Variants in AGBL1 observed in about 807,000 individuals in gnomAD.
AGBL1 encodes the protein AGBL carboxypeptidase 1.
In AGBL1, 130 loss-of-function variants were observed where a neutral mutation model predicts 118.9. The ratio of observed to expected loss-of-function variants is 1.09; its 90% CI spans 0.95 to 1.26. The LOEUF (loss-of-function observed/expected upper bound fraction) is 1.26. AGBL1 is among the 50% of genes most tolerant of loss of function. The probability of loss-of-function intolerance (pLI) is 0.00; values close to 1 mark genes in which losing one functional copy is unlikely to be tolerated. For synonymous variants in AGBL1, 555 were observed against 478.9 expected (o/e 1.16, Z -2.08); for missense variants, 1,584 against 1,298.1 (o/e 1.22, Z -3.38).
intron 22 of AGBL1, among the ~76,000 whole-genome samples, chr15:86,682,198 G>T (rs1051504779): frequency 2.0e-5 from 3 of 152,062 alleles, no homozygotes; most frequent in Admixed American, 2.0e-4. Flanking sequence ...ATGGAACTCC[G>T]CCTGGGAATT....
intron 21 of AGBL1, among the ~76,000 whole-genome samples, chr15:86,639,631 G>A (rs1299547945): frequency 2.0e-5 from 3 of 152,062 alleles, no homozygotes; most frequent in Non-Finnish European, 4.4e-5. Context: ...CCCCCATACA[G>A]CTTCCCGGGT....
rs148991436 is a variant in AGBL1, at chr15:86,341,171, T to C, written c.2374+45763T>C. Among the ~76,000 whole-genome samples the C allele has an allele frequency of 6.8e-3, 1,033 of 152,350 alleles. 14 individuals carry two copies. The highest frequency in any genetic ancestry group is 0.023 in the African/African-American group (970 of 41,580). On this transcript the variant is annotated intron_variant, in intron 17 of 22. Transcript: ENST00000614907. ...GAAGTGGCCCACTTAGGGTGCTTCA[T>C]TGGGACCTGTCCAGAGTGGAAGTCT...
At chr15:86,566,488 G>A (rs912538248) in intron 21 of AGBL1, among the ~76,000 whole-genome samples, 1 of 152,120 alleles carries the variant, frequency 6.6e-6, no homozygotes, top group Non-Finnish European at 1.5e-5. Flanking sequence ...TCAGCAGGGT[G>A]AATAAGGAGC....
At chr15:86,817,648 G>C (rs71408862) in intron 22 of AGBL1, among the ~76,000 whole-genome samples, 63,102 of 144,076 alleles carry the variant, frequency 0.44, 15,205 homozygotes, top group Non-Finnish European at 0.57. Context: ...CACACACACA[G>C]ACACACACAC....
intron 21 of AGBL1, among the ~76,000 whole-genome samples, chr15:86,570,679 A>G (rs1335817073): frequency 6.6e-6 from 1 of 152,170 alleles, no homozygotes. Flanking sequence ...CTTGGTCCAC[A>G]AACTATTTTT....
intron 22 of AGBL1, among the ~76,000 whole-genome samples, chr15:86,846,011 A>G (rs919520653): frequency 6.6e-6 from 1 of 152,198 alleles, no homozygotes; most frequent in Admixed American, 6.5e-5. Flanking sequence ...TGTCTCCTTC[A>G]GTTTGCAAAC....
rs2083145627 is a variant in AGBL1, at chr15:86,518,222, T to A, written c.2556-4588T>A. Among the ~76,000 whole-genome samples, 4 of 152,058 alleles carry A rather than the reference T, an allele frequency of 2.6e-5. No individual in the cohort carries two copies. In the East Asian group the frequency reaches 7.7e-4, roughly 29 times the overall value. ...TCTGTCTCTGCTTGTGGTCCTTTCT[T>A]GGCTTTAGGAGTTCTGGTAGTTCAG... On this transcript the variant is annotated intron_variant, in intron 18 of 22. Transcript: ENST00000614907.
At chr15:86,367,118 G>GA (rs2080899505) in intron 17 of AGBL1, among the ~76,000 whole-genome samples, 4 of 152,156 alleles carry the variant, frequency 2.6e-5, no homozygotes, top group Non-Finnish European at 5.9e-5. Context: ...AGAACCAAGT[G>GA]ACAAAACCCA....
At chr15:86,308,135 G>A (rs1391613441) in intron 17 of AGBL1, among the ~76,000 whole-genome samples, 1 of 152,044 alleles carries the variant, frequency 6.6e-6, no homozygotes, top group East Asian at 1.9e-4. Context: ...ATTAAACTAT[G>A]TTAACATGTT....
rs188955899 is a variant in AGBL1, at chr15:86,687,675, C to G, written c.3158+13239C>G. Among the ~76,000 whole-genome samples, 5 of 152,282 alleles carry G rather than the reference C, an allele frequency of 3.3e-5. No individual in the cohort carries two copies. In the East Asian group the frequency reaches 9.7e-4, roughly 29 times the overall value. The stretch of plus-strand genomic sequence containing the variant: ...TAAAGCATAGGCTAAGTTAGTTCCA[C>G]AAGTTGCTATGGAGTAGATTGATGG... On this transcript the variant is annotated intron_variant, in intron 22 of 22. Coordinates refer to ENST00000614907, the MANE Select transcript of AGBL1 (RefSeq NM_001386094.1).
intron 5 of AGBL1, among the ~76,000 whole-genome samples, chr15:86,171,202 C>G (rs1017780186): frequency 3.3e-5 from 5 of 151,982 alleles, no homozygotes; most frequent in African/African-American, 1.2e-4. Context: ...ATTCAAAAGA[C>G]CAAGGAGCAC....
intron 22 of AGBL1, among the ~76,000 whole-genome samples, chr15:86,755,253 C>G (rs2077918587): frequency 6.6e-6 from 1 of 152,006 alleles, no homozygotes; most frequent in Admixed American, 6.6e-5. Flanking sequence ...TCAACCCATC[C>G]CTGCTCAAAA....
chr15:86,220,173 T>G (rs1387066070), intron 5 of AGBL1, among the ~76,000 whole-genome samples: 1 of 152,034 alleles, frequency 6.6e-6, no homozygotes, highest in East Asian at 1.9e-4. Flanking sequence ...AGGCTGGCGT[T>G]GAACTCTTCA....
At chr15:86,168,561 GAAAAAGCTCAAT>G (rs1555440818) in intron 5 of AGBL1, among the ~76,000 whole-genome samples, 2 of 152,070 alleles carry the variant, frequency 1.3e-5, no homozygotes, top group Non-Finnish European at 2.9e-5. Context: ...ATTATAACCT[GAAAAAGCTCAAT>G]AATAGGGAAT....
intron 19 of AGBL1, 168 bp downstream of exon 19, chr15:86,523,107 T>G: frequency 1.3e-6 from 1 of 778,628 alleles, no homozygotes; most frequent in Non-Finnish European, 2.1e-6. Flanking sequence ...TGTACCAAAC[T>G]GCCACAACTG....
At chr15:86,829,159 C>T (rs574508356) in intron 22 of AGBL1, among the ~76,000 whole-genome samples, 1 of 152,106 alleles carries the variant, frequency 6.6e-6, no homozygotes, top group East Asian at 1.9e-4. Flanking sequence ...CAGAGGGATG[C>T]AGTCTCTACC....
chr15:86,630,527 T>TG (rs1472310971), intron 21 of AGBL1: 2 of 152,248 alleles, frequency 1.3e-5, no homozygotes, highest in Non-Finnish European at 2.9e-5. Flanking sequence ...AAGAATCACC[T>TG]GGGCATTGTG....
At chr15:86,803,948 G>A (rs896692704) in intron 22 of AGBL1, among the ~76,000 whole-genome samples, 2 of 152,064 alleles carry the variant, frequency 1.3e-5, no homozygotes, top group African/African-American at 4.8e-5. Flanking sequence ...CAGTAGTGGT[G>A]TAGCTAATTA....
At chr15:86,853,046 C>T (rs1319793421) in intron 22 of AGBL1, among the ~76,000 whole-genome samples, 1 of 148,320 alleles carries the variant, frequency 6.7e-6, no homozygotes, top group Non-Finnish European at 1.5e-5. Flanking sequence ...TGGGAAAGTT[C>T]CAAAAAAAAT....
Sources: allele counts gnomAD v4.1 joint callset (sites outside exome capture counted in the v4.1 genomes callset), GRCh38; gene constraint gnomAD v4.1.1; transcripts MANE v1.5; gene names NCBI Gene and HGNC (gene_info 2026-07-23, HGNC 2026-07-21).